The following PTPRD variants were observed in gnomAD, a reference collection of about 807,000 sequenced individuals.
PTPRD encodes the protein receptor-type tyrosine-protein phosphatase delta.
Under a neutral mutation model 214.5 loss-of-function variants are expected in PTPRD, and 34 were observed. The ratio of observed to expected loss-of-function variants is 0.16; its 90% CI spans 0.12 to 0.21. The LOEUF is 0.21. PTPRD is among the 10% of genes least tolerant of loss of function. The pLI is 1.00. For synonymous variants in PTPRD, 1,128 were observed against 845.7 expected, an observed-to-expected ratio of 1.33 and a Z score of -5.79; for missense variants, 2,545 against 2,398.7, an observed-to-expected ratio of 1.06 and a Z score of -1.27.
At chr9:9,342,707 CT>C (rs34613569) in intron 9 of PTPRD, among the ~76,000 whole-genome samples, 102,575 of 148,562 alleles carry the variant, frequency 0.69, 35,698 homozygotes, top group East Asian at 0.96. Context: ...ATATCTCTGA[CT>C]TTTTTTTTTT....
At chr9:9,999,645 A>G (rs1019691451) in intron 4 of PTPRD, among the ~76,000 whole-genome samples, 4 of 152,338 alleles carry the variant, frequency 2.6e-5, no homozygotes, top group Non-Finnish European at 5.9e-5. Flanking sequence ...ACTATACACT[A>G]TGACACCCAC....
chr9:9,390,844 C>T (rs1424518788), intron 9 of PTPRD, among the ~76,000 whole-genome samples: 1 of 152,156 alleles, frequency 6.6e-6, no homozygotes, highest in East Asian at 1.9e-4. Context: ...CTGTGAAATT[C>T]AGTAAATCCA....
At chr9:9,105,342 T>C (rs1228704480) in intron 10 of PTPRD, among the ~76,000 whole-genome samples, 2 of 152,182 alleles carry the variant, frequency 1.3e-5, no homozygotes, top group Non-Finnish European at 2.9e-5. Flanking sequence ...ATTTTGTTGA[T>C]TCTCTCTTTT....
intron 2 of PTPRD, among the ~76,000 whole-genome samples, chr9:10,389,126 A>T (rs564529028): frequency 9.1e-4 from 139 of 151,970 alleles, no homozygotes; most frequent in African/African-American, 3.3e-3. Context: ...ATGTAAAATT[A>T]ATTGAGGCCT....
intron 4 of PTPRD, among the ~76,000 whole-genome samples, chr9:10,031,641 T>TACACAC (rs1332974172): frequency 1.3e-5 from 1 of 74,166 alleles, no homozygotes; most frequent in East Asian, 7.2e-4. Context: ...TATATATATA[T>TACACAC]ATATATACAC....
At position 10,329,520 on chromosome 9, in the gene PTPRD, T is replaced by G. The variant is rs1457521390; in HGVS notation, c.-545+11443A>C. 2.0e-5 allele frequency among the ~76,000 whole-genome samples: 3 copies of G among 151,862 alleles called. No individual in the cohort carries two copies. The South Asian group carries it at 6.2e-4, about 31-fold the overall frequency. ...ATATTTTTTCTACTTGCACTTCTGATAGGTAATCAAATGGTCTGTCTGTCT... is the reference window on the plus strand; with the variant it reads ...ATATTTTTTCTACTTGCACTTCTGAGAGGTAATCAAATGGTCTGTCTGTCT... On this transcript the variant is annotated intron_variant, in intron 3 of 45. Coordinates refer to ENST00000381196, the MANE Select transcript of PTPRD (RefSeq NM_002839.4).
chr9:10,292,644 G>C (rs1196915324), intron 3 of PTPRD, among the ~76,000 whole-genome samples: 1 of 151,892 alleles, frequency 6.6e-6, no homozygotes, highest in Non-Finnish European at 1.5e-5. Context: ...ACAAAATCTA[G>C]TGAAATCAAA....
chr9:9,220,273 G>C (rs986682756), intron 9 of PTPRD, among the ~76,000 whole-genome samples: 1 of 146,366 alleles, frequency 6.8e-6, no homozygotes, highest in Non-Finnish European at 1.5e-5. Context: ...TGCCTATGGG[G>C]TAACCATTCT....
intron 9 of PTPRD, among the ~76,000 whole-genome samples, chr9:9,198,633 G>A (rs988184419): frequency 1.3e-5 from 2 of 152,108 alleles, no homozygotes; most frequent in African/African-American, 4.8e-5. Flanking sequence ...GGATTACCGA[G>A]GAACATCAGC....
At chr9:8,559,343 A>G (rs1009312917) in intron 14 of PTPRD, among the ~76,000 whole-genome samples, 1 of 152,236 alleles carries the variant, frequency 6.6e-6, no homozygotes, top group Admixed American at 6.5e-5. Flanking sequence ...ATATACAGAT[A>G]TCGAAATATC....
chr9:9,466,974 G>A (rs192890830), intron 8 of PTPRD, among the ~76,000 whole-genome samples: 3 of 151,920 alleles, frequency 2.0e-5, no homozygotes, highest in Non-Finnish European at 4.4e-5. Flanking sequence ...TTTTGATTTA[G>A]CCGAATAGCT....
chr9:9,485,493 G>C (rs979141678), intron 8 of PTPRD, among the ~76,000 whole-genome samples: 1 of 152,032 alleles, frequency 6.6e-6, no homozygotes, highest in Non-Finnish European at 1.5e-5. Context: ...CTTCTCTGAA[G>C]TTCCAGTTTT....
chr9:10,076,136 T>C (rs1394130053), intron 3 of PTPRD, among the ~76,000 whole-genome samples: 1 of 152,116 alleles, frequency 6.6e-6, no homozygotes, highest in Non-Finnish European at 1.5e-5. Flanking sequence ...TCATTTAAAG[T>C]ACTGTATGTG....
chr9:8,608,184 A>T (rs1354557733), intron 14 of PTPRD, among the ~76,000 whole-genome samples: 1 of 152,040 alleles, frequency 6.6e-6, no homozygotes, highest in Non-Finnish European at 1.5e-5. Flanking sequence ...TGAATTGAAG[A>T]TATTACTGTT....
chr9:8,618,242 T>A (rs754267130), intron 14 of PTPRD, among the ~76,000 whole-genome samples: 1 of 152,106 alleles, frequency 6.6e-6, no homozygotes, highest in South Asian at 2.1e-4. Context: ...GAAAAAGGAA[T>A]ATTTTCCTAT....
At chr9:8,698,209 T>C (rs2097971230) in intron 12 of PTPRD, among the ~76,000 whole-genome samples, 1 of 152,248 alleles carries the variant, frequency 6.6e-6, no homozygotes, top group Admixed American at 6.5e-5. Flanking sequence ...ACTGAATGCA[T>C]ACTTATGCAC....
rs1034681959 is a variant in PTPRD, at chr9:9,222,090, C to A, written c.-202-38727G>T. On this transcript the variant is annotated intron_variant, in intron 9 of 45. Coordinates refer to ENST00000381196, the MANE Select transcript of PTPRD (RefSeq NM_002839.4). ...CAACTAGAACTGCCAAATGTATCCA[C>A]TGTAACAATATTAATATTCTTAGGA... 4.6e-5 allele frequency among the ~76,000 whole-genome samples: 7 copies of A among 152,194 alleles called. No homozygotes were observed. In the South Asian group the frequency reaches 1.4e-3, roughly 32 times the overall value.
chr9:9,557,707 G>T (rs752657989), intron 8 of PTPRD, among the ~76,000 whole-genome samples: 1 of 152,114 alleles, frequency 6.6e-6, no homozygotes, highest in South Asian at 2.1e-4. Flanking sequence ...ATTGATTCCA[G>T]ATTTTTTGAT....
At chr9:10,292,302 T>C (rs1234695718) in intron 3 of PTPRD, among the ~76,000 whole-genome samples, 1 of 151,974 alleles carries the variant, frequency 6.6e-6, no homozygotes, top group African/African-American at 2.4e-5. Flanking sequence ...TACTTGTCTC[T>C]CCCCTTTCTT....
Sources: allele counts gnomAD v4.1 joint callset (sites outside exome capture counted in the v4.1 genomes callset), GRCh38; gene constraint gnomAD v4.1.1; transcripts MANE v1.5; gene names NCBI Gene and HGNC (gene_info 2026-07-23, HGNC 2026-07-21).